Variants in TTLL11 observed in about 807,000 individuals in gnomAD.
TTLL11 encodes the protein tubulin tyrosine ligase like 11, also known as tubulin polyglutamylase TTLL11.
TTLL11 carries 42 observed loss-of-function variants against 51.7 expected under a neutral mutation model. The ratio of observed to expected loss-of-function variants is 0.81; its 90% confidence interval spans 0.64 to 1.05. TTLL11 has a LOEUF of 1.05. Among genes scored for constraint, TTLL11 ranks in the 50% least tolerant of loss-of-function variants. TTLL11 has a pLI of 0.00. For missense variants in TTLL11, 799 were observed against 940.4 expected, an observed-to-expected ratio of 0.85 and a Z score of 1.97; for synonymous variants, 381 against 383.5, an observed-to-expected ratio of 0.99 and a Z score of 0.08.
chr9:122,052,882 G>A (rs938420596), intron 1 of TTLL11, among the ~76,000 whole-genome samples: 2 of 152,196 alleles, frequency 1.3e-5, no homozygotes, highest in South Asian at 2.1e-4. Flanking sequence ...TGAGAAAGAT[G>A]AGTAGCAGAG....
intron 7 of TTLL11, among the ~76,000 whole-genome samples, chr9:121,861,810 T>C (rs1838021845): frequency 6.6e-6 from 1 of 152,142 alleles, no homozygotes; most frequent in Non-Finnish European, 1.5e-5. Context: ...TGAGGACAAA[T>C]CTATGGACAA....
intron 6 of TTLL11, among the ~76,000 whole-genome samples, chr9:121,874,981 A>G (rs1838516625): frequency 6.6e-6 from 1 of 151,922 alleles, no homozygotes; most frequent in African/African-American, 2.4e-5. Context: ...GTTAGCCAGG[A>G]AGCATAAAAT....
intron 1 of TTLL11, among the ~76,000 whole-genome samples, chr9:122,070,121 T>C (rs1179800693): frequency 6.6e-6 from 1 of 151,172 alleles, no homozygotes; most frequent in Non-Finnish European, 1.5e-5. Flanking sequence ...AAGAGCAACA[T>C]ATAGAGGGAG....
chr9:121,880,096 GGGA>G (rs1201530236), intron 6 of TTLL11, among the ~76,000 whole-genome samples: 1 of 152,228 alleles, frequency 6.6e-6, no homozygotes, highest in Non-Finnish European at 1.5e-5. Context: ...TTGGCAGAAA[GGGA>G]GGAGAATGCC....
chr9:121,827,868 G>C (rs1836866576), intron 8 of TTLL11, among the ~76,000 whole-genome samples: 1 of 152,218 alleles, frequency 6.6e-6, no homozygotes, highest in Admixed American at 6.5e-5. Flanking sequence ...CGCTGCAGGA[G>C]CAGGGCTGCT....
chr9:121,820,381 CT>C lies in TTLL11; in HGVS notation c.*2205del, dbSNP rs1483001924. The stretch of plus-strand genomic sequence containing the variant: ...TGACAAGTGTGCCCAGACATGCTTA[CT>C]CTGGTCTTTCTCTGGGAAATCCATT... On this transcript the variant is annotated 3_prime_UTR_variant, in exon 9 of 9. Transcript: ENST00000321582. Among the ~76,000 whole-genome samples the C allele has an allele frequency of 6.6e-6, 1 of 152,304 alleles. No individual in the cohort carries two copies. The highest frequency in any genetic ancestry group is 1.9e-4 in the East Asian group (1 of 5,184).
chr9:121,861,959 A>G (rs1408382443), intron 7 of TTLL11, among the ~76,000 whole-genome samples: 1 of 152,182 alleles, frequency 6.6e-6, no homozygotes, highest in Admixed American at 6.5e-5. Context: ...GTGTGGGCTG[A>G]CACAGAATTG....
At chr9:121,981,522 A>G (rs752355072) in intron 4 of TTLL11, among the ~76,000 whole-genome samples, 8 of 152,050 alleles carry the variant, frequency 5.3e-5, no homozygotes, top group African/African-American at 1.7e-4. Context: ...CATTTCTGAT[A>G]TTTTTGGATC....
chr9:122,053,761 C>T (rs1564376842), intron 1 of TTLL11, among the ~76,000 whole-genome samples: 1 of 152,148 alleles, frequency 6.6e-6, no homozygotes, highest in Non-Finnish European at 1.5e-5. Flanking sequence ...TGACAGTTCA[C>T]ACACTTCACA....
intron 6 of TTLL11, among the ~76,000 whole-genome samples, chr9:121,948,577 G>A (rs1841750363): frequency 6.6e-6 from 1 of 152,124 alleles, no homozygotes; most frequent in South Asian, 2.1e-4. Context: ...ATTTAACATC[G>A]ATCCTTGTAA....
At chr9:121,895,196 G>C (rs1839412181) in intron 6 of TTLL11, among the ~76,000 whole-genome samples, 1 of 152,136 alleles carries the variant, frequency 6.6e-6, no homozygotes, top group Admixed American at 6.5e-5. Context: ...CTTTCATCTT[G>C]AAAAGATGTC....
chr9:121,897,389 T>C (rs1353705185), intron 6 of TTLL11, among the ~76,000 whole-genome samples: 3 of 152,154 alleles, frequency 2.0e-5, no homozygotes, highest in East Asian at 1.9e-4. Context: ...TTGCCTCTTC[T>C]GGGGGCTGCG....
chr9:121,968,696 A>G (rs1236387181), intron 6 of TTLL11, among the ~76,000 whole-genome samples: 3 of 151,716 alleles, frequency 2.0e-5, no homozygotes, highest in Admixed American at 1.3e-4. Flanking sequence ...AGCTGGGACT[A>G]CAGACATGCA....
intron 1 of TTLL11, among the ~76,000 whole-genome samples, chr9:122,057,093 C>T (rs1209380785): frequency 6.6e-6 from 1 of 152,120 alleles, no homozygotes; most frequent in Non-Finnish European, 1.5e-5. Context: ...CTTTCAGCTG[C>T]CCTAGACAGT....
intron 8 of TTLL11, among the ~76,000 whole-genome samples, chr9:121,838,877 ATTTCTTGCCCTGCCCACC>A (rs370785230): frequency 0.013 from 1,979 of 151,514 alleles, 53 homozygotes; most frequent in African/African-American, 0.046. Context: ...CAACAACAAC[ATTTCTTGCCCTGCCCACC>A]TTTCTTGCCC....
intron 6 of TTLL11, among the ~76,000 whole-genome samples, chr9:121,943,787 A>G (rs1042048262): frequency 6.6e-6 from 1 of 152,130 alleles, no homozygotes. Context: ...TGTGATGCCT[A>G]CCTACCTCCT....
In TTLL11 at chr9:122,021,921, C is replaced by A. The variant is rs577434491; in HGVS notation, c.693+9802G>T. 3.9e-5 allele frequency among the ~76,000 whole-genome samples: 6 copies of A among 152,030 alleles called. No homozygotes were observed. The East Asian group carries it at 1.2e-3, about 29-fold the overall frequency. ...ATTATGAGAGTGATTATAATGCATT[C>A]CATATGTTCAAAAAGTTAAGTAGAA... is the stretch of plus-strand genomic sequence containing the variant. On this transcript the variant is annotated intron_variant, in intron 3 of 8. Transcript: ENST00000321582.
intron 6 of TTLL11, among the ~76,000 whole-genome samples, chr9:121,959,707 C>T (rs1392190358): frequency 6.6e-6 from 1 of 152,152 alleles, no homozygotes; most frequent in Non-Finnish European, 1.5e-5. Flanking sequence ...GGCTTTCATG[C>T]TGCAGCCAAA....
Position 121,917,547 on chromosome 9 carries a change from A to AAG in TTLL11, c.1482-46800_1482-46799insCT, listed in dbSNP as rs377097006. On this transcript the variant is annotated intron_variant, in intron 6 of 8. Coordinates refer to ENST00000321582, the MANE Select transcript of TTLL11 (RefSeq NM_001139442.2). Reference sequence around the variant, plus strand: ...AAAGGAAGGAAGGAAGGAAGGAAGAAAAAGAAAAAGAAAGAAAGAAAGAAA... The same window carrying AAG: ...AAAGGAAGGAAGGAAGGAAGGAAGAAAGAAAGAAAAAGAAAGAAAGAAAGAAA... Among the ~76,000 whole-genome samples the AAG allele has an allele frequency of 6.3e-4, 85 of 134,852 alleles. No homozygotes were observed. The Middle Eastern group carries it at 0.014, about 23-fold the overall frequency. 88.5% of individuals were successfully genotyped at this position (134,852 alleles called of 152,430 possible).
Sources: allele counts gnomAD v4.1 joint callset (sites outside exome capture counted in the v4.1 genomes callset), GRCh38; gene constraint gnomAD v4.1.1; transcripts MANE v1.5; gene names NCBI Gene and HGNC (gene_info 2026-07-23, HGNC 2026-07-21).